The following CTNND2 variants were observed in gnomAD, a reference collection of about 807,000 sequenced individuals.
CTNND2 encodes catenin delta 2, also known as catenin delta-2.
CTNND2 carries 22 observed loss-of-function variants against 144.4 expected under a neutral mutation model. That is an observed-to-expected ratio of 0.15 (90% CI 0.11 to 0.22). The LOEUF is 0.22. CTNND2 is among the 10% of genes least tolerant of loss of function. CTNND2 has a pLI of 1.00. For synonymous variants in CTNND2, 751 were observed against 695.6 expected (o/e 1.08, Z -1.25); for missense variants, 1,353 against 1,618.8 (o/e 0.84, Z 2.82).
At chr5:11,261,949 G>T (rs2149956224) in intron 9 of CTNND2, among the ~76,000 whole-genome samples, 1 of 152,226 alleles carries the variant, frequency 6.6e-6, no homozygotes, top group African/African-American at 2.4e-5. Flanking sequence ...CGTGTAGAAA[G>T]TCTAAGTTAA....
At chr5:11,114,275 G>T (rs1753321841) in intron 13 of CTNND2, among the ~76,000 whole-genome samples, 1 of 152,120 alleles carries the variant, frequency 6.6e-6, no homozygotes, top group African/African-American at 2.4e-5. Context: ...AATGACTCCT[G>T]GGGAATAAAT....
intron 11 of CTNND2, among the ~76,000 whole-genome samples, chr5:11,174,243 G>A (rs1214668857): frequency 2.0e-5 from 3 of 152,162 alleles, no homozygotes; most frequent in Non-Finnish European, 4.4e-5. Context: ...GTTGAGTGCT[G>A]CACAAAGGTA....
At chr5:11,893,575 T>C (rs1241761556) in intron 1 of CTNND2, among the ~76,000 whole-genome samples, 2 of 152,204 alleles carry the variant, frequency 1.3e-5, no homozygotes, top group African/African-American at 4.8e-5. Flanking sequence ...ATTTACCAGG[T>C]ATTACCAAAC....
intron 3 of CTNND2, among the ~76,000 whole-genome samples, chr5:11,529,515 C>G (rs898990593): frequency 6.6e-6 from 1 of 152,090 alleles, no homozygotes; most frequent in Non-Finnish European, 1.5e-5. Flanking sequence ...AAGAAAAACT[C>G]ACGGGAAAAA....
intron 1 of CTNND2, among the ~76,000 whole-genome samples, chr5:11,866,526 C>G (rs942939584): frequency 2.0e-5 from 3 of 152,106 alleles, no homozygotes; most frequent in African/African-American, 7.2e-5. Flanking sequence ...ATTAGGAGGT[C>G]CCCACTGACA....
Position 11,497,416 on chromosome 5 carries a change from TGTTAGATTAG to T in CTNND2, c.287+67518_287+67527del, listed in dbSNP as rs1160942813. Among the ~76,000 whole-genome samples, 3 of 148,530 alleles carry T rather than the reference TGTTAGATTAG, an allele frequency of 2.0e-5. No homozygotes were observed. The East Asian group carries it at 6.0e-4, about 30-fold the overall frequency. The stretch of plus-strand genomic sequence containing the variant: ...GGAGCTGTGAGCACAGAGGGGGCTA[TGTTAGATTAG>T]GTGGTCATGAAGACCACTTTGAGAG... On this transcript the variant is annotated intron_variant, in intron 3 of 21. Transcript: ENST00000304623.
At chr5:11,107,054 T>C (rs1183216765) in intron 14 of CTNND2, among the ~76,000 whole-genome samples, 1 of 152,178 alleles carries the variant, frequency 6.6e-6, no homozygotes, top group Non-Finnish European at 1.5e-5. Flanking sequence ...TCAGTGGAAA[T>C]ACACTTACTA....
chr5:11,250,521 T>TATA (rs1561094429), intron 9 of CTNND2, among the ~76,000 whole-genome samples: 8 of 4,332 alleles, frequency 1.8e-3, no homozygotes, highest in African/African-American at 5.1e-3. Flanking sequence ...ATACATATAT[T>TATA]TTTTTTTTTT....
intron 1 of CTNND2, among the ~76,000 whole-genome samples, chr5:11,779,788 T>C (rs1239544378): frequency 1.3e-5 from 2 of 152,236 alleles, no homozygotes; most frequent in Non-Finnish European, 2.9e-5. Context: ...TTCAGTTTAA[T>C]GTATTAAATT....
rs780496986 is a variant in CTNND2 at position 11,903,342 on chromosome 5, A to G, written c.37+475T>C. 5.9e-5 allele frequency: 58 copies of G among 987,400 alleles called. No homozygotes were observed. Among genetic ancestry groups the G allele is most frequent in the African/African-American group, 1.4e-4 (8 of 57,288 alleles). The allele number at this position is 987,400 out of a possible 1,614,324, so 61.2% of individuals were successfully genotyped here. ...AGCCTGAAGACACGGCCATGGACGCATATGACTAAGTCTTTCCATTTTGTT... is the reference window on the plus strand; with the variant it reads ...AGCCTGAAGACACGGCCATGGACGCGTATGACTAAGTCTTTCCATTTTGTT... On this transcript the variant is annotated intron_variant, in intron 1 of 21. Transcript: ENST00000304623. This position sits in a 1 kb window ranked among gnomAD's most constrained non-coding sequence, Gnocchi z 5.4.
At chr5:11,816,020 C>T (rs4475260) in intron 1 of CTNND2, among the ~76,000 whole-genome samples, 135,673 of 152,114 alleles carry the variant, frequency 0.89, 62,282 homozygotes, top group East Asian at 1. Context: ...GCAGAGCCCA[C>T]GAGTGTACCC....
intron 2 of CTNND2, among the ~76,000 whole-genome samples, chr5:11,731,421 G>A (rs931513777): frequency 3.3e-5 from 5 of 152,116 alleles, no homozygotes; most frequent in African/African-American, 9.7e-5. Context: ...ACCCAAACGC[G>A]GCAGGCTTTT....
At chr5:11,230,620 A>G (rs245091) in intron 10 of CTNND2, among the ~76,000 whole-genome samples, 138,759 of 151,948 alleles carry the variant, frequency 0.91, 63,554 homozygotes, top group East Asian at 0.99. Flanking sequence ...ATATTCATTC[A>G]CCCATGAATA....
chr5:11,129,201 T>TAA (rs1755237327), intron 12 of CTNND2, among the ~76,000 whole-genome samples: 7 of 42,198 alleles, frequency 1.7e-4, no homozygotes, highest in East Asian at 1.2e-3. Flanking sequence ...ATAATATATA[T>TAA]TATATATTTA....
intron 11 of CTNND2, among the ~76,000 whole-genome samples, chr5:11,163,678 C>G (rs1226452482): frequency 2.6e-5 from 4 of 152,162 alleles, no homozygotes; most frequent in African/African-American, 9.7e-5. Context: ...TCTTACTCCT[C>G]TCTTACCTAA....
intron 3 of CTNND2, among the ~76,000 whole-genome samples, chr5:11,467,859 C>T (rs1766820777): frequency 6.6e-6 from 1 of 152,208 alleles, no homozygotes; most frequent in Non-Finnish European, 1.5e-5. Context: ...CTAACACATA[C>T]ATAGTACTTT....
intron 2 of CTNND2, among the ~76,000 whole-genome samples, chr5:11,641,262 T>C (rs1781983298): frequency 6.6e-6 from 1 of 152,114 alleles, no homozygotes; most frequent in Admixed American, 6.5e-5. Flanking sequence ...ACTTTAACTC[T>C]CTCAGACATT....
rs1397749555 is a variant in CTNND2 at position 11,253,079 on chromosome 5, G to A, written c.1629-16256C>T. 2.6e-5 allele frequency among the ~76,000 whole-genome samples: 4 copies of A among 152,008 alleles called. 1 individual carries two copies. The stretch of plus-strand genomic sequence containing the variant: ...CAACCTCAGTCTGAGGTTATTCCAG[G>A]GCCCAGGGTCAGGAGATGGAACAGA... On this transcript the variant is annotated intron_variant, in intron 9 of 21. Coordinates refer to ENST00000304623, the MANE Select transcript of CTNND2 (RefSeq NM_001332.4).
chr5:11,719,928 G>A lies in CTNND2; in HGVS notation c.174+12208C>T, dbSNP rs188631960. On this transcript the variant is annotated intron_variant, in intron 2 of 21. Transcript: ENST00000304623. ...TACCCTAGTATCCTATGTTTCATATGGTAGTTAGAAAAGGATAATATATTT... is the reference window on the plus strand; with the variant it reads ...TACCCTAGTATCCTATGTTTCATATAGTAGTTAGAAAAGGATAATATATTT... Among the ~76,000 whole-genome samples the A allele has an allele frequency of 4.6e-5, 7 of 151,570 alleles. No homozygotes were observed. The East Asian group carries it at 1.4e-3, about 29-fold the overall frequency.
Sources: allele counts gnomAD v4.1 joint callset (sites outside exome capture counted in the v4.1 genomes callset), GRCh38; gene constraint gnomAD v4.1.1; non-coding constraint Gnocchi (gnomAD v3.1); transcripts MANE v1.5; gene names NCBI Gene and HGNC (gene_info 2026-07-23, HGNC 2026-07-21).